The following TTLL5 variants were observed in gnomAD, a reference collection of about 807,000 sequenced individuals.
TTLL5 encodes the protein tubulin polyglutamylase TTLL5.
In TTLL5, 132 loss-of-function variants were observed where a neutral mutation model predicts 168.4. The ratio of observed to expected loss-of-function variants is 0.78; its 90% CI spans 0.68 to 0.91. The LOEUF is 0.91. Ranked by LOEUF, TTLL5 falls within the 40% of genes least tolerant of loss-of-function variation. The probability of loss-of-function intolerance (pLI) is 0.00; values close to 1 mark genes in which losing one functional copy is unlikely to be tolerated. For missense variants in TTLL5, 1,545 were observed against 1,581.5 expected (o/e 0.98, Z 0.39); for synonymous variants, 546 against 558.6 (o/e 0.98, Z 0.32).
At chr14:75,774,083 G>T (rs1318454226) in intron 21 of TTLL5, among the ~76,000 whole-genome samples, 1 of 151,578 alleles carries the variant, frequency 6.6e-6, no homozygotes, top group Non-Finnish European at 1.5e-5. Context: ...GTTGGCCTCT[G>T]TGTTCCAGCT....
intron 8 of TTLL5, 115 bp downstream of exon 8, chr14:75,707,202 G>A: frequency 2.5e-6 from 2 of 801,338 alleles, no homozygotes; most frequent in Non-Finnish European, 4.1e-6. Flanking sequence ...TTCTTGACAT[G>A]TGTGGCTCCA....
At chr14:75,830,784 G>A (rs973915196) in intron 28 of TTLL5, among the ~76,000 whole-genome samples, 1 of 152,102 alleles carries the variant, frequency 6.6e-6, no homozygotes, top group Non-Finnish European at 1.5e-5. Context: ...GGAACTTATT[G>A]ATGTACAAAT....
chr14:75,695,566 C>G (rs532800569), intron 6 of TTLL5, among the ~76,000 whole-genome samples: 1 of 152,156 alleles, frequency 6.6e-6, no homozygotes, highest in Non-Finnish European at 1.5e-5. Context: ...CAGGGGGCAT[C>G]ATGGAACCTG....
chr14:75,857,871 G>A (rs1162871585), intron 28 of TTLL5, among the ~76,000 whole-genome samples: 2 of 151,858 alleles, frequency 1.3e-5, no homozygotes, highest in South Asian at 4.2e-4. Context: ...GACTGGTCTC[G>A]AACTCCTGAA....
At chr14:75,770,904 A>G (rs2140307486) in intron 20 of TTLL5, among the ~76,000 whole-genome samples, 1 of 152,222 alleles carries the variant, frequency 6.6e-6, no homozygotes, top group South Asian at 2.1e-4. Context: ...TGTGGCCTTA[A>G]ATTTGGTCTT....
rs200038752 is a variant in TTLL5 at position 75,760,285 on chromosome 14, A to G, written c.1551-4330A>G. ...TACTTAGGAATAAATTTAACAAAAC[A>G]TGTTCAATACCTATACAGTAAAAAC... On this transcript the variant is annotated intron_variant, in intron 18 of 31. Coordinates refer to ENST00000298832, the MANE Select transcript of TTLL5 (RefSeq NM_015072.5). 3.9e-5 allele frequency among the ~76,000 whole-genome samples: 6 copies of G among 152,240 alleles called. No homozygotes were observed. The East Asian group carries it at 1.2e-3, about 29-fold the overall frequency.
chr14:75,802,866 A>G lies in TTLL5; in HGVS notation c.3171+9766A>G, dbSNP rs373488068. On this transcript the variant is annotated intron_variant, in intron 27 of 31. Coordinates refer to ENST00000298832, the MANE Select transcript of TTLL5 (RefSeq NM_015072.5). Reference sequence around the variant, plus strand: ...AGCTGAACTAGCCTTCTTGGAAGAGATTATATCTAAACTGAATCTTAAAGA... The same window carrying G: ...AGCTGAACTAGCCTTCTTGGAAGAGGTTATATCTAAACTGAATCTTAAAGA... 5.1e-4 allele frequency among the ~76,000 whole-genome samples: 77 copies of G among 152,330 alleles called. 2 individuals are homozygous for G. The South Asian group carries it at 0.015, about 30-fold the overall frequency.
rs534848490 is a variant in TTLL5, at chr14:75,707,323, T to C, written c.655+236T>C. On this transcript the variant is annotated intron_variant, in intron 8 of 31. Transcript: ENST00000298832. ...TATAGTAGTATATGTATGAAAATTG[T>C]GCAGTAATTAATATATATGAAAATG... Among the ~76,000 whole-genome samples the C allele has an allele frequency of 8.1e-4, 124 of 152,232 alleles. 1 individual carries two copies. Among genetic ancestry groups the C allele is most frequent in the African/African-American group, 2.5e-3 (103 of 41,544 alleles).
Position 75,954,364 on chromosome 14 carries a change from T to C in TTLL5, c.3824-60T>C. 3 of 1,586,298 alleles carry C rather than the reference T, an allele frequency of 1.9e-6. No individual in the cohort carries two copies. In the Admixed American group the frequency reaches 5.0e-5, roughly 26 times the overall value. On this transcript the variant is annotated intron_variant, in intron 31 of 31. Transcript: ENST00000298832. ...GTTAGATAAACCAGACATTGCTGCC[T>C]GTAAGTAAAACCCCATGCTGTCATT...
At chr14:75,806,975 A>G (rs181611052) in intron 27 of TTLL5, among the ~76,000 whole-genome samples, 10 of 152,212 alleles carry the variant, frequency 6.6e-5, no homozygotes, top group Non-Finnish European at 2.9e-5. Context: ...ATTACTTTTT[A>G]TAACAGATCT....
chr14:75,930,912 T>A (rs1303710133), intron 31 of TTLL5, among the ~76,000 whole-genome samples: 1 of 152,104 alleles, frequency 6.6e-6, no homozygotes, highest in African/African-American at 2.4e-5. Context: ...CAACACTGAG[T>A]TTTTGGGAAT....
At chr14:75,928,490 A>G (rs1236775548) in intron 31 of TTLL5, among the ~76,000 whole-genome samples, 2 of 151,542 alleles carry the variant, frequency 1.3e-5, no homozygotes, top group African/African-American at 4.9e-5. Context: ...GCACTGAGCC[A>G]CTTTTCAGCC....
chr14:75,848,219 G>A (rs1482159055), intron 28 of TTLL5, among the ~76,000 whole-genome samples: 2 of 151,978 alleles, frequency 1.3e-5, no homozygotes, highest in African/African-American at 4.8e-5. Flanking sequence ...GAGAAGTGAA[G>A]GGAGCCTAAC....
chr14:75,909,610 C>T (rs189646705), intron 31 of TTLL5, among the ~76,000 whole-genome samples: 1 of 152,052 alleles, frequency 6.6e-6, no homozygotes, highest in Non-Finnish European at 1.5e-5. Flanking sequence ...TTTGACATAC[C>T]GTATCCAACA....
chr14:75,782,861 G>C (rs915148985), intron 25 of TTLL5, among the ~76,000 whole-genome samples: 7 of 152,076 alleles, frequency 4.6e-5, no homozygotes, highest in Admixed American at 1.3e-4. Context: ...ACTTCATCTT[G>C]ATGTCCTAAC....
intron 3 of TTLL5, among the ~76,000 whole-genome samples, chr14:75,674,257 T>C (rs1416948873): frequency 6.6e-6 from 1 of 152,200 alleles, no homozygotes. Context: ...TTCTTCACCT[T>C]CCTTAATGAA....
chr14:75,926,722 A>G (rs1430714264), intron 31 of TTLL5, among the ~76,000 whole-genome samples: 1 of 152,202 alleles, frequency 6.6e-6, no homozygotes, highest in Non-Finnish European at 1.5e-5. Context: ...GAAATGTAAA[A>G]TGGCGCAGCT....
chr14:75,811,090 T>C (rs890067111), intron 27 of TTLL5, among the ~76,000 whole-genome samples: 1 of 114,658 alleles, frequency 8.7e-6, no homozygotes, highest in African/African-American at 3.6e-5. Flanking sequence ...AACTAGCTGC[T>C]AACTGGAGGT....
chr14:75,771,236 G>C (rs1891290546), intron 20 of TTLL5, among the ~76,000 whole-genome samples: 1 of 152,136 alleles, frequency 6.6e-6, no homozygotes, highest in Admixed American at 6.5e-5. Flanking sequence ...AGACCAGCCT[G>C]GCCAACATGG....
Sources: allele counts gnomAD v4.1 joint callset (sites outside exome capture counted in the v4.1 genomes callset), GRCh38; gene constraint gnomAD v4.1.1; transcripts MANE v1.5; gene names NCBI Gene and HGNC (gene_info 2026-07-23, HGNC 2026-07-21).